Variants in NRG4 observed in about 807,000 individuals in gnomAD.
NRG4 encodes the protein pro-neuregulin-4, membrane-bound isoform.
Under a neutral mutation model 15.0 loss-of-function variants are expected in NRG4, and 10 were observed. That is an observed-to-expected ratio of 0.67 (90% CI 0.41 to 1.13). The LOEUF (loss-of-function observed/expected upper bound fraction) is 1.13. NRG4 is among the 50% of genes most tolerant of loss of function. The pLI is 0.00. For missense variants in NRG4, 139 were observed against 140.2 expected (o/e 0.99, Z 0.04); for synonymous variants, 41 against 50.1 (o/e 0.82, Z 0.77).
chr15:75,952,665 C>T (rs2031979873), intron 5 of NRG4, among the ~76,000 whole-genome samples: 1 of 151,462 alleles, frequency 6.6e-6, no homozygotes, highest in African/African-American at 2.4e-5. Flanking sequence ...CTCAAGTGAT[C>T]CTCCACTGCG....
At chr15:75,947,550 A>G (rs1012197645) in intron 5 of NRG4, among the ~76,000 whole-genome samples, 1 of 152,224 alleles carries the variant, frequency 6.6e-6, no homozygotes, top group Non-Finnish European at 1.5e-5. Context: ...ACTCTTTTAA[A>G]CTGAAAAGAC....
At chr15:75,987,715 T>C (rs74024040) in intron 3 of NRG4, among the ~76,000 whole-genome samples, 6,044 of 152,294 alleles carry the variant, frequency 0.04, 218 homozygotes, top group African/African-American at 0.095. Flanking sequence ...ATCTTGTCTA[T>C]GGTATTTTGT....
At chr15:75,990,230 G>A (rs2033956818) in intron 3 of NRG4, among the ~76,000 whole-genome samples, 1 of 152,226 alleles carries the variant, frequency 6.6e-6, no homozygotes, top group Non-Finnish European at 1.5e-5. Context: ...CAGATTTCTG[G>A]AACTCTTTCT....
chr15:75,993,212 G>T (rs2034085460), intron 3 of NRG4, among the ~76,000 whole-genome samples: 1 of 149,646 alleles, frequency 6.7e-6, no homozygotes, highest in African/African-American at 2.4e-5. Flanking sequence ...AGTTTGCTTG[G>T]TGTTTGTTGA....
chr15:75,968,022 G>A (rs971017589), intron 3 of NRG4, among the ~76,000 whole-genome samples: 20 of 152,220 alleles, frequency 1.3e-4, no homozygotes, highest in African/African-American at 4.3e-4. Context: ...GAAGCATGTC[G>A]AACAAATGGT....
chr15:75,954,716 T>C (rs2032130109), intron 5 of NRG4, among the ~76,000 whole-genome samples: 1 of 152,072 alleles, frequency 6.6e-6, no homozygotes, highest in Non-Finnish European at 1.5e-5. Flanking sequence ...TGAGCCACCA[T>C]GCCCGGCTTT....
At chr15:75,991,236 G>A (rs2034003641) in intron 3 of NRG4, among the ~76,000 whole-genome samples, 1 of 152,148 alleles carries the variant, frequency 6.6e-6, no homozygotes, top group Non-Finnish European at 1.5e-5. Flanking sequence ...ACTTTATTGT[G>A]TGAAAGCAGG....
At chr15:76,058,128 G>A (rs1322250219) in intron 1 of NRG4, among the ~76,000 whole-genome samples, 1 of 152,170 alleles carries the variant, frequency 6.6e-6, no homozygotes, top group Non-Finnish European at 1.5e-5. Context: ...GGCAAGCTAT[G>A]CCAAAGCTTT....
chr15:76,016,325 GTC>G (rs1272057453), upstream of NRG4, among the ~76,000 whole-genome samples: 1 of 152,000 alleles, frequency 6.6e-6, no homozygotes, highest in African/African-American at 2.4e-5. Context: ...TGTTTTTCGT[GTC>G]TCTATCTCCT....
At chr15:75,938,276 G>C (rs575759496), downstream of NRG4, 33 of 152,096 alleles carry the variant, frequency 2.2e-4, no homozygotes, top group African/African-American at 8.0e-4. Context: ...ATGGATGACA[G>C]CTTTTAAAAA....
downstream of NRG4, chr15:75,936,994 G>A (rs573968452): frequency 6.6e-6 from 1 of 152,254 alleles, no homozygotes; most frequent in Non-Finnish European, 1.5e-5. Flanking sequence ...ATTTATTAAT[G>A]TTGCTTTTAA....
intron 5 of NRG4, among the ~76,000 whole-genome samples, chr15:76,025,770 G>A (rs1475069276): frequency 1.3e-5 from 2 of 151,998 alleles, no homozygotes; most frequent in Non-Finnish European, 2.9e-5. Flanking sequence ...CCAGCTACTT[G>A]GAAGGCTGAG....
intron 3 of NRG4, among the ~76,000 whole-genome samples, chr15:75,984,603 C>T (rs1263837520): frequency 2.6e-5 from 4 of 152,078 alleles, no homozygotes; most frequent in East Asian, 1.9e-4. Flanking sequence ...CACACGGACA[C>T]AGGCATGGGA....
chr15:75,955,792 C>CAAA (rs11341073), intron 5 of NRG4, 140 bp downstream of exon 5: 120 of 302,914 alleles, frequency 4.0e-4, no homozygotes, highest in South Asian at 1.1e-3. Context: ...GGTACCTGGC[C>CAAA]AAAAAAAAAA....
chr15:75,983,524 A>G lies in NRG4; in HGVS notation c.105-21550T>C, dbSNP rs569093562. Among the ~76,000 whole-genome samples the G allele has an allele frequency of 4.6e-5, 7 of 152,302 alleles. No homozygotes were observed. In the East Asian group the frequency reaches 1.3e-3, roughly 29 times the overall value. The stretch of plus-strand genomic sequence containing the variant: ...TAACCACAATTAGACAAGATACAGA[A>G]ATAAAAGGCACAGCCATTAGAAGGA... On this transcript the variant is annotated intron_variant, in intron 3 of 5. Transcript: ENST00000394907.
intron 3 of NRG4, among the ~76,000 whole-genome samples, chr15:75,978,479 G>A (rs2033462140): frequency 6.6e-6 from 1 of 152,052 alleles, no homozygotes; most frequent in African/African-American, 2.4e-5. Context: ...ATTTATCTTG[G>A]CTATTGTGAA....
At chr15:75,969,715 C>T (rs888579396) in intron 3 of NRG4, among the ~76,000 whole-genome samples, 1 of 152,132 alleles carries the variant, frequency 6.6e-6, no homozygotes, top group Non-Finnish European at 1.5e-5. Flanking sequence ...TTTAAAGTTT[C>T]GTTCTAAGCA....
chr15:76,005,724 A>G (rs1429987375), intron 3 of NRG4: 1 of 365,210 alleles, frequency 2.7e-6, no homozygotes, highest in South Asian at 2.3e-5. Context: ...ATTGTAAGGA[A>G]GAGAAAATAT....
At chr15:75,970,231 T>C (rs1188677911) in intron 3 of NRG4, among the ~76,000 whole-genome samples, 1 of 152,204 alleles carries the variant, frequency 6.6e-6, no homozygotes, top group Non-Finnish European at 1.5e-5. Flanking sequence ...TCCAGCAAAA[T>C]TGCTGAGAGA....
Sources: gnomAD v4.1 joint callset for allele counts (sites outside exome capture counted in the v4.1 genomes callset) on GRCh38, gnomAD v4.1.1 for gene constraint, MANE v1.5 for transcripts, NCBI Gene and HGNC (gene_info 2026-07-23, HGNC 2026-07-21) for gene names.